The following MEI4 variants were observed in gnomAD, a reference collection of about 807,000 sequenced individuals.
The protein encoded by MEI4 is meiosis-specific protein MEI4.
A neutral mutation model predicts 31.4 loss-of-function variants in MEI4; 27 were observed. The observed-to-expected ratio is 0.86, with a 90% CI of 0.63 to 1.19. MEI4 has a LOEUF of 1.19. Among genes scored for constraint, MEI4 ranks in the 50% most tolerant of loss-of-function variants. MEI4 has a pLI of 0.00. For missense variants in MEI4, 329 were observed against 398.9 expected (o/e 0.82, Z 1.49); for synonymous variants, 122 against 145.4 (o/e 0.84, Z 1.16).
intron 4 of MEI4, among the ~76,000 whole-genome samples, chr6:77,842,726 G>T (rs1468542677): frequency 6.6e-6 from 1 of 151,980 alleles, no homozygotes; most frequent in Non-Finnish European, 1.5e-5. Flanking sequence ...GGTACAACTT[G>T]CCAATGCCTG....
chr6:77,749,384 G>T lies in MEI4; in HGVS notation c.233-11746G>T, dbSNP rs540352620. On this transcript the variant is annotated intron_variant, in intron 2 of 4. Coordinates refer to ENST00000684080, the MANE Select transcript of MEI4 (RefSeq NM_001322247.2). ...TGAGAACCTTGATAAAAGGTTAGAT[G>T]CATTGCTTACTAGAACAGCAAGTTT... Among the ~76,000 whole-genome samples the T allele has an allele frequency of 2.2e-4, 33 of 152,242 alleles. No homozygotes were observed. In the South Asian group the frequency reaches 6.6e-3, roughly 31 times the overall value.
chr6:77,835,709 T>C (rs897369090), intron 4 of MEI4, among the ~76,000 whole-genome samples: 1 of 152,116 alleles, frequency 6.6e-6, no homozygotes, highest in Non-Finnish European at 1.5e-5. Flanking sequence ...TAAGGAGATC[T>C]GTATAAGGAT....
intron 3 of MEI4, among the ~76,000 whole-genome samples, chr6:77,809,587 G>A (rs866654120): frequency 1.3e-5 from 2 of 152,116 alleles, no homozygotes; most frequent in African/African-American, 2.4e-5. Flanking sequence ...TATATTATGC[G>A]TTTTGTAATG....
intron 4 of MEI4, among the ~76,000 whole-genome samples, chr6:77,882,317 C>T (rs1243035375): frequency 6.6e-6 from 1 of 152,138 alleles, no homozygotes; most frequent in Non-Finnish European, 1.5e-5. Flanking sequence ...TTTAAATAGC[C>T]ATGATTGATT....
intron 4 of MEI4, among the ~76,000 whole-genome samples, chr6:77,910,925 G>GTTTTTTTTTTT (rs58959367): frequency 2.5e-5 from 3 of 120,580 alleles, no homozygotes; most frequent in Non-Finnish European, 3.5e-5. Flanking sequence ...CCAGCTTCTG[G>GTTTTTTTTTTT]TTTTTTTTTT....
At chr6:77,882,505 A>G (rs1277476664) in intron 4 of MEI4, among the ~76,000 whole-genome samples, 3 of 152,116 alleles carry the variant, frequency 2.0e-5, no homozygotes, top group Non-Finnish European at 2.9e-5. Flanking sequence ...GTTTTTTTCT[A>G]TCTTACCCTT....
At chr6:77,803,041 C>T (rs531919249) in intron 3 of MEI4, among the ~76,000 whole-genome samples, 8 of 152,296 alleles carry the variant, frequency 5.3e-5, no homozygotes, top group African/African-American at 1.7e-4. Context: ...TGGGGAAGTT[C>T]TCCTGGATAA....
intron 2 of MEI4, among the ~76,000 whole-genome samples, chr6:77,753,358 C>T (rs757837966): frequency 6.6e-6 from 1 of 151,846 alleles, no homozygotes; most frequent in Non-Finnish European, 1.5e-5. Context: ...ATCCATCTGA[C>T]AAAGGGCTAA....
chr6:77,746,780 G>C (rs1018811726), intron 2 of MEI4, among the ~76,000 whole-genome samples: 22 of 152,042 alleles, frequency 1.4e-4, no homozygotes, highest in Admixed American at 1.4e-3. Context: ...GGGTAAAAGA[G>C]AGAAAGGAGC....
chr6:77,783,208 G>T (rs1768638744), intron 3 of MEI4, among the ~76,000 whole-genome samples: 1 of 152,146 alleles, frequency 6.6e-6, no homozygotes, highest in Non-Finnish European at 1.5e-5. Flanking sequence ...TTATCTAAGA[G>T]AAACAAGTCA....
intron 1 of MEI4, among the ~76,000 whole-genome samples, chr6:77,666,961 A>G (rs918968880): frequency 9.2e-5 from 14 of 152,040 alleles, no homozygotes; most frequent in African/African-American, 3.4e-4. Context: ...AGATGTCCAC[A>G]TGGTAGTTCA....
chr6:77,776,722 T>G (rs1054431041), intron 3 of MEI4, among the ~76,000 whole-genome samples: 1 of 152,138 alleles, frequency 6.6e-6, no homozygotes, highest in Admixed American at 6.6e-5. Flanking sequence ...GGATTTCCAA[T>G]GATATGAGTC....
At chr6:77,849,639 A>G (rs1326641047) in intron 4 of MEI4, among the ~76,000 whole-genome samples, 1 of 152,188 alleles carries the variant, frequency 6.6e-6, no homozygotes, top group Non-Finnish European at 1.5e-5. Context: ...GAGAATTCCA[A>G]ATAATTTTTT....
At chr6:77,790,835 GA>G (rs1768904016) in intron 3 of MEI4, among the ~76,000 whole-genome samples, 1 of 151,828 alleles carries the variant, frequency 6.6e-6, no homozygotes, top group Non-Finnish European at 1.5e-5. Flanking sequence ...AAATTTACAA[GA>G]AAAAAACAAA....
chr6:77,888,628 CT>C (rs759667938), intron 4 of MEI4, among the ~76,000 whole-genome samples: 2 of 151,892 alleles, frequency 1.3e-5, no homozygotes, highest in East Asian at 1.9e-4. Flanking sequence ...GGCTGACAGA[CT>C]TTTTTTTCAA....
intron 3 of MEI4, among the ~76,000 whole-genome samples, chr6:77,804,743 A>T (rs1463273375): frequency 6.6e-6 from 1 of 152,212 alleles, no homozygotes; most frequent in African/African-American, 2.4e-5. Flanking sequence ...GATGGAGTTC[A>T]GATATCATTA....
intron 2 of MEI4, among the ~76,000 whole-genome samples, chr6:77,757,213 A>G (rs1220902799): frequency 5.3e-5 from 8 of 152,230 alleles, no homozygotes; most frequent in Non-Finnish European, 8.8e-5. Context: ...GCTAGTTTGT[A>G]TAATAAAATA....
At chr6:77,701,675 A>T (rs1239069250) in intron 2 of MEI4, among the ~76,000 whole-genome samples, 1 of 152,078 alleles carries the variant, frequency 6.6e-6, no homozygotes, top group African/African-American at 2.4e-5. Context: ...AGGCTACAGG[A>T]TGAGCAATTG....
At chr6:77,805,929 T>G (rs1324309478) in intron 3 of MEI4, among the ~76,000 whole-genome samples, 1 of 152,128 alleles carries the variant, frequency 6.6e-6, no homozygotes, top group Non-Finnish European at 1.5e-5. Flanking sequence ...TTTCTCTTGA[T>G]GTCTCTAAAA....
Sources: allele counts gnomAD v4.1 joint callset (sites outside exome capture counted in the v4.1 genomes callset), GRCh38; gene constraint gnomAD v4.1.1; transcripts MANE v1.5; gene names NCBI Gene and HGNC (gene_info 2026-07-23, HGNC 2026-07-21).